The following VWA3B variants were observed in gnomAD, a reference collection of about 807,000 sequenced individuals.
The protein encoded by VWA3B is von Willebrand factor A domain containing 3B, also known as von Willebrand factor A domain-containing protein 3B.
A neutral mutation model predicts 158.3 loss-of-function variants in VWA3B; 138 were observed. The ratio of observed to expected loss-of-function variants is 0.87; its 90% confidence interval spans 0.76 to 1.00. The LOEUF is 1.00. Ranked by LOEUF, VWA3B falls within the 50% of genes least tolerant of loss-of-function variation. The pLI is 0.00. For missense variants in VWA3B, 1,555 were observed against 1,565.1 expected (o/e 0.99, Z 0.11); for synonymous variants, 596 against 587.3 (o/e 1.01, Z -0.21).
chr2:98,305,363 G>A (rs3731659), intron 26 of VWA3B, among the ~76,000 whole-genome samples: 28,259 of 152,032 alleles, frequency 0.19, 2,841 homozygotes, highest in Admixed American at 0.29. Context: ...GTAACTATAG[G>A]GGGAAGAGCA....
intron 22 of VWA3B, among the ~76,000 whole-genome samples, chr2:98,273,357 T>C (rs1211112905): frequency 1.3e-5 from 2 of 152,244 alleles, no homozygotes; most frequent in African/African-American, 4.8e-5. Flanking sequence ...TCAAAAGCTA[T>C]GTCTTTTGTG....
rs762436581 is a variant in VWA3B at position 98,119,651 on chromosome 2, A to G, written c.430A>G (p.Ile144Val). 6.2e-7 allele frequency: 1 copy of G among 1,614,164 alleles called. No homozygotes were observed. Among genetic ancestry groups the G allele is most frequent in the Non-Finnish European group, 8.5e-7 (1 of 1,180,040 alleles). Residue 144 changes from isoleucine to valine, a missense_variant, in exon 4 of 28, where the codon ATA (isoleucine) becomes GTA (valine). By Grantham distance (29) the Ile-to-Val change is conservative. Coordinates refer to ENST00000477737, the MANE Select transcript of VWA3B (RefSeq NM_144992.5). ...FGVILEQCVT[I>V]VLDFGGILEG... ...TGTCATCTTGGAACAGTGCGTCACC[A>G]TAGTGCTGGATTTTGGCGGCATTCT...
At position 98,162,970 on chromosome 2, in the gene VWA3B, G is replaced by A; in HGVS notation, c.1108G>A (p.Asp370Asn). ...EPPKPDVATV[D>N]CESETTSVEI... ...TCCCAAGCCCGACGTGGCCACTGTG[G>A]ACTGCGGTTGGTGCTATTTCTGGTC... Residue 370 changes from aspartate to asparagine, a missense_variant, in exon 8 of 28, where the codon GAC becomes AAC. Asp to Asn is a conservative substitution (Grantham distance 23, BLOSUM62 1). Transcript: ENST00000477737. 2 of 1,614,140 alleles carry A rather than the reference G, an allele frequency of 1.2e-6. No individual in the cohort carries two copies. Among genetic ancestry groups the A allele is most frequent in the Non-Finnish European group, 1.7e-6 (2 of 1,180,032 alleles).
At chr2:98,311,731 T>C in intron 26 of VWA3B, 88 bp from the exon 27 acceptor site, 2 of 1,423,820 alleles carry the variant, frequency 1.4e-6, no homozygotes, top group South Asian at 1.5e-5. Flanking sequence ...GGCAAGGAGC[T>C]GAGAAGCAGC....
At chr2:98,097,043 G>A (rs989128290) in intron 2 of VWA3B, among the ~76,000 whole-genome samples, 8 of 152,140 alleles carry the variant, frequency 5.3e-5, no homozygotes, top group African/African-American at 1.9e-4. Context: ...CATAGGTTTT[G>A]TTATGTTGTA....
rs956210490 is a variant in VWA3B, at chr2:98,242,438, A to C, written c.2673+5708A>C. 1.4e-4 allele frequency: 52 copies of C among 379,456 alleles called. 1 individual carries two copies. Among genetic ancestry groups the C allele is most frequent in the African/African-American group, 9.6e-4 (45 of 47,012 alleles). 23.5% of individuals were successfully genotyped at this position (379,456 alleles called of 1,614,324 possible). Reference sequence around the variant, plus strand: ...ATAAAACTGATTTAGCTATGTAATGAACCTAGAATTTAAAGCTCTTTATTT... The same window carrying C: ...ATAAAACTGATTTAGCTATGTAATGCACCTAGAATTTAAAGCTCTTTATTT... On this transcript the variant is annotated intron_variant, in intron 19 of 27. Coordinates refer to ENST00000477737, the MANE Select transcript of VWA3B (RefSeq NM_144992.5).
At chr2:98,163,539 A>AAAC (rs752638213) in intron 8 of VWA3B, among the ~76,000 whole-genome samples, 16 of 152,124 alleles carry the variant, frequency 1.1e-4, no homozygotes, top group South Asian at 2.1e-4. Context: ...TCTGTCTCAA[A>AAAC]AACAACAACA....
At chr2:98,141,096 G>A (rs756369806) in intron 7 of VWA3B, among the ~76,000 whole-genome samples, 6 of 152,278 alleles carry the variant, frequency 3.9e-5, no homozygotes, top group East Asian at 1.9e-4. Context: ...CATGGCAGCC[G>A]CCCATTGACT....
chr2:98,276,485 A>G (rs17427726), intron 22 of VWA3B, among the ~76,000 whole-genome samples: 1 of 152,236 alleles, frequency 6.6e-6, no homozygotes. Context: ...ATAAATTGCC[A>G]TGAAAGAGCC....
chr2:98,121,484 CA>C, intron 5 of VWA3B, 26 bp downstream of exon 5: 15 of 1,605,270 alleles, frequency 9.3e-6, no homozygotes, highest in Non-Finnish European at 1.3e-5. Context: ...TGGCTGGCCC[CA>C]GGCCATGGAG....
chr2:98,252,565 T>C (rs369779032), intron 20 of VWA3B, among the ~76,000 whole-genome samples: 1 of 152,208 alleles, frequency 6.6e-6, no homozygotes, highest in East Asian at 1.9e-4. Context: ...TCAGATTCCT[T>C]GTTCACAGAA....
intron 19 of VWA3B, among the ~76,000 whole-genome samples, chr2:98,246,081 G>A (rs1686373088): frequency 6.6e-6 from 1 of 151,948 alleles, no homozygotes; most frequent in African/African-American, 2.4e-5. Context: ...GTTTGTTTTA[G>A]TCTTTGGTGG....
At chr2:98,262,215 C>T (rs141264694) in intron 21 of VWA3B, among the ~76,000 whole-genome samples, 1 of 151,766 alleles carries the variant, frequency 6.6e-6, no homozygotes, top group East Asian at 1.9e-4. Flanking sequence ...CACTTTCTCC[C>T]ATTTTTTAGG....
Position 98,273,287 on chromosome 2 carries a change from G to T in VWA3B, c.3045+2404G>T, listed in dbSNP as rs535064210. Among the ~76,000 whole-genome samples the T allele has an allele frequency of 9.9e-5, 15 of 152,168 alleles. No homozygotes were observed. In the South Asian group the frequency reaches 3.1e-3, roughly 32 times the overall value. ...AGATTCTTGTGTTTTGTTTCATTTT[G>T]TTTTGTTTGTTCTCTTTCATTTTAT... is the stretch of plus-strand genomic sequence containing the variant. On this transcript the variant is annotated intron_variant, in intron 22 of 27. Transcript: ENST00000477737.
In VWA3B at chr2:98,286,180, T is replaced by A. The variant is rs536960626; in HGVS notation, c.3046-4331T>A. Among the ~76,000 whole-genome samples, 3 of 151,926 alleles carry A rather than the reference T, an allele frequency of 2.0e-5. No individual in the cohort carries two copies. The East Asian group carries it at 6.1e-4, about 31-fold the overall frequency. ...TAATTCTAGTAGTTTTTGGGTGACT[T>A]CCCCGGAGTTTTCACATACAGAATC... On this transcript the variant is annotated intron_variant, in intron 22 of 27. Transcript: ENST00000477737.
chr2:98,114,100 G>C (rs540466735), intron 2 of VWA3B, among the ~76,000 whole-genome samples: 1 of 151,938 alleles, frequency 6.6e-6, no homozygotes, highest in Non-Finnish European at 1.5e-5. Flanking sequence ...TTTATATTTC[G>C]TCCAGAATTT....
chr2:98,235,109 C>A (rs533394700), intron 17 of VWA3B, among the ~76,000 whole-genome samples: 1 of 152,132 alleles, frequency 6.6e-6, no homozygotes, highest in East Asian at 1.9e-4. Flanking sequence ...TCAGATGAGC[C>A]CCTCTCTGGT....
chr2:98,236,485 C>A lies in VWA3B; in HGVS notation c.2516+8C>A. On this transcript the variant is annotated splice_region_variant and intron_variant, in intron 18 of 27. Transcript: ENST00000477737. ...CCAGGTTTATGACCACGAGTGAGTT[C>A]TTTAATTTGACAAAGACAGTTCTGT... 1 of 1,614,196 alleles carries A rather than the reference C, an allele frequency of 6.2e-7. No individual in the cohort carries two copies. The highest frequency in any genetic ancestry group is 1.1e-5 in the South Asian group (1 of 91,076).
At chr2:98,298,441 T>TCTATTCTATTCTATTCTATG (rs1553439678) in intron 24 of VWA3B, among the ~76,000 whole-genome samples, 22 of 118,510 alleles carry the variant, frequency 1.9e-4, no homozygotes, top group South Asian at 2.9e-4. Flanking sequence ...TCTATTCTAT[T>TCTATTCTATTCTATTCTATG]CTATGCCATG....
Sources: gnomAD v4.1 joint callset for allele counts (sites outside exome capture counted in the v4.1 genomes callset) on GRCh38, gnomAD v4.1.1 for gene constraint, MANE v1.5 for transcripts, NCBI Gene and HGNC (gene_info 2026-07-23, HGNC 2026-07-21) for gene names.